Variants in METAP1D observed in about 807,000 individuals in gnomAD.
METAP1D encodes the protein methionyl aminopeptidase type 1D, mitochondrial, also known as methionine aminopeptidase 1D, mitochondrial.
A neutral mutation model predicts 40.5 loss-of-function variants in METAP1D; 31 were observed. The observed-to-expected ratio is 0.77, with a 90% CI of 0.58 to 1.03. The LOEUF (loss-of-function observed/expected upper bound fraction) is 1.03. Among genes scored for constraint, METAP1D ranks in the 50% least tolerant of loss-of-function variants. The probability of loss-of-function intolerance (pLI) is 0.00; values close to 1 mark genes in which losing one functional copy is unlikely to be tolerated. For missense variants in METAP1D, 411 were observed against 420.7 expected, an observed-to-expected ratio of 0.98 and a Z score of 0.20; for synonymous variants, 151 against 146.4, an observed-to-expected ratio of 1.03 and a Z score of -0.22.
rs758821566 is a variant in METAP1D at position 171,999,980 on chromosome 2, C to T, written c.11C>T (p.Pro4Leu). The T allele has an allele frequency of 7.4e-6, 10 of 1,352,048 alleles. No homozygotes were observed. In the South Asian group the frequency reaches 1.3e-4, roughly 17 times the overall value. The allele number at this position is 1,352,048 out of a possible 1,614,324, so 83.8% of individuals were successfully genotyped here. ...GTGACCGACGCCAACATGGCGGCGC[C>T]CAGTGGCGTCCACCTGCTCGTCCGC... is the stretch of plus-strand genomic sequence containing the variant. The part of the protein sequence containing the change: MAA[P>L]SGVHLLVRRG... Residue 4 changes from proline (P) to leucine (L), a missense_variant, in exon 1 of 10, where the codon CCC becomes CTC. Coordinates refer to ENST00000315796, the MANE Select transcript of METAP1D (RefSeq NM_199227.3).
At chr2:172,004,174 G>A (rs1688528180) in intron 1 of METAP1D, among the ~76,000 whole-genome samples, 1 of 152,126 alleles carries the variant, frequency 6.6e-6, no homozygotes, top group Non-Finnish European at 1.5e-5. Context: ...TACCTTAGTG[G>A]TTTTTCAAAA....
intron 1 of METAP1D, among the ~76,000 whole-genome samples, chr2:172,045,817 GTGTATATATATATATATATATATA>G (rs1156958164): frequency 1.2e-4 from 2 of 16,330 alleles, no homozygotes; most frequent in Non-Finnish European, 2.2e-4. Context: ...GTGTGTGTGT[GTGTATATATATATATATATATATA>G]TATATATATA....
intron 5 of METAP1D, 30 bp from the exon 6 acceptor site, chr2:172,070,877 A>G (rs193268602): frequency 3.4e-4 from 534 of 1,554,446 alleles, no homozygotes; most frequent in Non-Finnish European, 4.3e-4. Context: ...TTAAACAAGG[A>G]CATATTTTTA....
chr2:172,045,665 A>G (rs1395760461), intron 1 of METAP1D, among the ~76,000 whole-genome samples: 2 of 30,460 alleles, frequency 6.6e-5, no homozygotes, highest in African/African-American at 1.6e-4. Flanking sequence ...CCGTCTCAGG[A>G]AAAAAAAAAA....
Position 172,042,658 on chromosome 2 carries a change from T to C in METAP1D, c.41-18840T>C, listed in dbSNP as rs1214456017. On this transcript the variant is annotated intron_variant, in intron 1 of 9. Coordinates refer to ENST00000315796, the MANE Select transcript of METAP1D (RefSeq NM_199227.3). ...ATATACATATGTGTGTATGTGTATA[T>C]GTGTACACATATACGTGTGTATGTG... Among the ~76,000 whole-genome samples, 36 of 27,918 alleles carry C rather than the reference T, an allele frequency of 1.3e-3. 17 individuals carry two copies. The Admixed American group carries it at 0.014, about 11-fold the overall frequency. The allele number at this position is 27,918 out of a possible 152,430, so 18.3% of individuals were successfully genotyped here.
At chr2:172,040,509 G>T (rs1226693589) in intron 1 of METAP1D, among the ~76,000 whole-genome samples, 1 of 152,154 alleles carries the variant, frequency 6.6e-6, no homozygotes, top group Non-Finnish European at 1.5e-5. Flanking sequence ...GAGCAATAGT[G>T]AGAGGATTCC....
chr2:172,052,564 A>G (rs1466657811), intron 1 of METAP1D, among the ~76,000 whole-genome samples: 5 of 152,234 alleles, frequency 3.3e-5, no homozygotes, highest in East Asian at 1.9e-4. Context: ...GGCTGATGGT[A>G]TGGCCAGCTT....
At position 172,045,807 on chromosome 2, in the gene METAP1D, GTGTGTGTGTGTGTATATATATA is replaced by G. The variant is rs1437306864; in HGVS notation, c.41-15689_41-15668del. Among the ~76,000 whole-genome samples, 389 of 52,810 alleles carry G rather than the reference GTGTGTGTGTGTGTATATATATA, an allele frequency of 7.4e-3. 2 individuals carry two copies. The highest frequency in any genetic ancestry group is 0.011 in the Non-Finnish European group (315 of 28,394). The allele number at this position is 52,810 out of a possible 152,430, so 34.6% of individuals were successfully genotyped here. On this transcript the variant is annotated intron_variant, in intron 1 of 9. Coordinates refer to ENST00000315796, the MANE Select transcript of METAP1D (RefSeq NM_199227.3). ...TATGTATATGTATATATGTGTGTGTGTGTGTGTGTGTGTATATATATATATATATATATATATATATATATAT... is the reference window on the plus strand; with the variant it reads ...TATGTATATGTATATATGTGTGTGTGTATATATATATATATATATATATAT...
intron 1 of METAP1D, among the ~76,000 whole-genome samples, chr2:172,037,428 C>T (rs1425518615): frequency 6.9e-6 from 1 of 145,420 alleles, no homozygotes; most frequent in Non-Finnish European, 1.5e-5. Flanking sequence ...AATAGTAAAG[C>T]TTTAAAAAAG....
At chr2:172,074,293 A>G (rs1690494505) in intron 6 of METAP1D, among the ~76,000 whole-genome samples, 1 of 152,118 alleles carries the variant, frequency 6.6e-6, no homozygotes, top group African/African-American at 2.4e-5. Context: ...ATTCATAACT[A>G]TATGTTTTGA....
chr2:172,014,401 C>T (rs7560031), intron 1 of METAP1D, among the ~76,000 whole-genome samples: 7,222 of 151,978 alleles, frequency 0.048, 377 homozygotes, highest in Admixed American at 0.16. Flanking sequence ...CATGAGCCAC[C>T]GTGCCTGGTC....
In METAP1D at chr2:172,080,404, T is replaced by C. The variant is rs1450630741; in HGVS notation, c.1006T>C (p.Ter336ArgextTer8). 3 of 1,613,980 alleles carry C rather than the reference T, an allele frequency of 1.9e-6. No homozygotes were observed. The highest frequency in any genetic ancestry group is 1.1e-5 in the South Asian group (1 of 91,080). ...QILTKLPHEA[*>R] is the part of the protein sequence containing the mutation. ...CCTGACCAAACTACCCCATGAGGCC[T>C]GAGGAGCCGCCCGAAGGTCGCGGTG... Residue 336 changes from the stop codon to arginine, a stop_lost, in exon 10 of 10, where the codon TGA becomes CGA. Transcript: ENST00000315796.
chr2:172,019,599 A>C (rs1688961151), intron 1 of METAP1D, among the ~76,000 whole-genome samples: 1 of 151,944 alleles, frequency 6.6e-6, no homozygotes, highest in Non-Finnish European at 1.5e-5. Context: ...CCAAGGAGGA[A>C]AGGGCCTAGA....
chr2:172,043,115 A>ATTT lies in METAP1D; in HGVS notation c.41-18382_41-18381insTTT, dbSNP rs1553270232. Among the ~76,000 whole-genome samples the ATTT allele has an allele frequency of 2.0e-4, 19 of 94,648 alleles. 2 individuals carry two copies. The highest frequency in any genetic ancestry group is 5.8e-4 in the African/African-American group (19 of 32,632). 62.1% of individuals were successfully genotyped at this position (94,648 alleles called of 152,430 possible). A position where few individuals can be genotyped will look rare whatever the true frequency, so the allele number is the denominator to read the frequency against. On this transcript the variant is annotated intron_variant, in intron 1 of 9. Coordinates refer to ENST00000315796, the MANE Select transcript of METAP1D (RefSeq NM_199227.3). ...TACATACATATATATATATATATATATATTTTTTGGGATACAGGATCTCAC... is the reference window on the plus strand; with the variant it reads ...TACATACATATATATATATATATATATTTTATTTTTTGGGATACAGGATCTCAC...
intron 1 of METAP1D, among the ~76,000 whole-genome samples, chr2:172,034,369 G>A (rs535986423): frequency 2.6e-5 from 4 of 152,170 alleles, no homozygotes; most frequent in African/African-American, 9.6e-5. Context: ...ATTTGTGATC[G>A]TGGACAAATT....
intron 1 of METAP1D, among the ~76,000 whole-genome samples, chr2:172,017,625 T>C (rs1048390017): frequency 2.6e-5 from 4 of 151,750 alleles, no homozygotes; most frequent in Non-Finnish European, 5.9e-5. Flanking sequence ...AAAAATGTGA[T>C]TCATGGATAG....
intron 1 of METAP1D, among the ~76,000 whole-genome samples, chr2:172,051,011 A>C (rs1048302172): frequency 2.0e-5 from 3 of 152,210 alleles, no homozygotes; most frequent in Admixed American, 1.3e-4. Flanking sequence ...TTTAGCTGAG[A>C]GACAATGGGA....
intron 1 of METAP1D, among the ~76,000 whole-genome samples, chr2:172,041,726 T>TTTTTATATATA (rs1273069042): frequency 2.7e-5 from 1 of 37,560 alleles, no homozygotes; most frequent in Non-Finnish European, 6.4e-5. Flanking sequence ...TCTAATTATT[T>TTTTTATATATA]TATATATATA....
chr2:172,036,532 A>C (rs1372776580), intron 1 of METAP1D, among the ~76,000 whole-genome samples: 1 of 151,002 alleles, frequency 6.6e-6, no homozygotes, highest in Non-Finnish European at 1.5e-5. Flanking sequence ...CGCCCGGCTA[A>C]TTTTTTGTAT....
Sources: allele counts gnomAD v4.1 joint callset (sites outside exome capture counted in the v4.1 genomes callset), GRCh38; gene constraint gnomAD v4.1.1; transcripts MANE v1.5; gene names NCBI Gene and HGNC (gene_info 2026-07-23, HGNC 2026-07-21).